PLCB1: variants seen among roughly 807,000 people sequenced by gnomAD.
The protein encoded by PLCB1 is 1-phosphatidylinositol 4,5-bisphosphate phosphodiesterase beta-1.
PLCB1 carries 46 observed loss-of-function variants against 161.8 expected under a neutral mutation model. That is an observed-to-expected ratio of 0.28 (90% CI 0.22 to 0.36). PLCB1 has a LOEUF of 0.36. Among genes scored for constraint, PLCB1 ranks in the 10% least tolerant of loss-of-function variants. PLCB1 has a pLI of 1.00. For synonymous variants in PLCB1, 517 were observed against 503.7 expected (o/e 1.03, Z -0.35); for missense variants, 1,016 against 1,472.5 (o/e 0.69, Z 5.07).
chr20:8,765,881 G>A (rs1370408810), intron 26 of PLCB1, among the ~76,000 whole-genome samples: 7 of 152,078 alleles, frequency 4.6e-5, no homozygotes, highest in African/African-American at 1.7e-4. Flanking sequence ...GGTTTCACCA[G>A]GTTGCCCAGC....
rs1356507856 is a variant in PLCB1 at position 8,315,919 on chromosome 20, T to A, written c.178-55463T>A. On this transcript the variant is annotated intron_variant, in intron 2 of 31. Transcript: ENST00000338037. ...GGATTTCAGAGAAAGCTGACCATAT[T>A]GATTGGAGTTTTCACTCCTGTTTTT... is the stretch of plus-strand genomic sequence containing the variant. 2.0e-5 allele frequency among the ~76,000 whole-genome samples: 3 copies of A among 152,328 alleles called. No individual in the cohort carries two copies. The East Asian group carries it at 5.8e-4, about 29-fold the overall frequency.
At chr20:8,269,690 C>T (rs1300693947) in intron 2 of PLCB1, among the ~76,000 whole-genome samples, 2 of 151,958 alleles carry the variant, frequency 1.3e-5, no homozygotes, top group African/African-American at 4.8e-5. Flanking sequence ...GTATCTCTAT[C>T]CAGATACAAA....
At chr20:8,243,648 A>G (rs903504032) in intron 2 of PLCB1, among the ~76,000 whole-genome samples, 27 of 151,882 alleles carry the variant, frequency 1.8e-4, no homozygotes, top group Admixed American at 1.8e-3. Context: ...TTAATTCCTA[A>G]AAACCACTCT....
At chr20:8,268,528 T>C (rs1434104499) in intron 2 of PLCB1, among the ~76,000 whole-genome samples, 1 of 152,236 alleles carries the variant, frequency 6.6e-6, no homozygotes, top group Non-Finnish European at 1.5e-5. Context: ...TCTAGATCCT[T>C]GAGGAATCAC....
chr20:8,832,497 C>T (rs973102957), intron 31 of PLCB1, among the ~76,000 whole-genome samples: 1 of 152,242 alleles, frequency 6.6e-6, no homozygotes, highest in African/African-American at 2.4e-5. Context: ...GAACTTGGAT[C>T]TCTTCGCATG....
At chr20:8,644,327 C>T (rs1181072533) in intron 4 of PLCB1, among the ~76,000 whole-genome samples, 4 of 149,252 alleles carry the variant, frequency 2.7e-5, no homozygotes, top group Admixed American at 2.0e-4. Flanking sequence ...TCTGCCCGGC[C>T]GCCATCCCAT....
At chr20:8,431,437 C>G (rs536834131) in intron 3 of PLCB1, among the ~76,000 whole-genome samples, 1 of 152,056 alleles carries the variant, frequency 6.6e-6, no homozygotes, top group Non-Finnish European at 1.5e-5. Flanking sequence ...AGAATTCTTT[C>G]GGACAAAATG....
At chr20:8,741,233 T>C (rs914120154) in intron 22 of PLCB1, among the ~76,000 whole-genome samples, 1 of 152,234 alleles carries the variant, frequency 6.6e-6, no homozygotes, top group African/African-American at 2.4e-5. Flanking sequence ...AACAGAGTCC[T>C]AACCCTTGTC....
At chr20:8,238,866 TG>T in intron 2 of PLCB1, among the ~76,000 whole-genome samples, 1 of 150,088 alleles carries the variant, frequency 6.7e-6, no homozygotes, top group South Asian at 2.1e-4. Flanking sequence ...AATGGGTGGC[TG>T]GGGGGAAGAC....
At chr20:8,262,715 A>T (rs1981766922) in intron 2 of PLCB1, among the ~76,000 whole-genome samples, 2 of 152,196 alleles carry the variant, frequency 1.3e-5, no homozygotes, top group Non-Finnish European at 2.9e-5. Flanking sequence ...ACAGACAGTT[A>T]TTTCTCACCA....
At chr20:8,151,850 A>T (rs1311258144) in intron 2 of PLCB1, among the ~76,000 whole-genome samples, 3 of 152,170 alleles carry the variant, frequency 2.0e-5, no homozygotes, top group Non-Finnish European at 4.4e-5. Context: ...AACAGAAGAT[A>T]TTCTGGGATT....
chr20:8,856,234 T>C (rs891703145), intron 31 of PLCB1, among the ~76,000 whole-genome samples: 1 of 152,218 alleles, frequency 6.6e-6, no homozygotes, highest in Admixed American at 6.5e-5. Flanking sequence ...ATCTTAGTTG[T>C]TTTAACTTCA....
intron 3 of PLCB1, among the ~76,000 whole-genome samples, chr20:8,575,148 A>C (rs1489490833): frequency 6.6e-6 from 1 of 152,224 alleles, no homozygotes; most frequent in Non-Finnish European, 1.5e-5. Context: ...GCACAGATGC[A>C]GTAGAGAAAT....
In PLCB1 at chr20:8,565,986, T is replaced by C. The variant is rs150026657; in HGVS notation, c.247-62308T>C. Among the ~76,000 whole-genome samples the C allele has an allele frequency of 5.5e-4, 84 of 152,276 alleles. 2 individuals are homozygous for C. The East Asian group carries it at 0.015, about 28-fold the overall frequency. ...GGATTCCTCTTCTGAATTTATTCCC[T>C]GTGAAGGAAAATTAATCATTATATA... On this transcript the variant is annotated intron_variant, in intron 3 of 31. Coordinates refer to ENST00000338037, the MANE Select transcript of PLCB1 (RefSeq NM_015192.4).
At chr20:8,276,233 T>G (rs1272445588) in intron 2 of PLCB1, among the ~76,000 whole-genome samples, 2 of 152,234 alleles carry the variant, frequency 1.3e-5, no homozygotes, top group African/African-American at 4.8e-5. Flanking sequence ...TAAAATTGTA[T>G]CAGATCAACA....
chr20:8,322,934 A>T (rs1033328825), intron 2 of PLCB1, among the ~76,000 whole-genome samples: 1 of 152,190 alleles, frequency 6.6e-6, no homozygotes, highest in Non-Finnish European at 1.5e-5. Flanking sequence ...GACATAAAAA[A>T]TATACCTCAC....
Position 8,882,103 on chromosome 20 carries a change from A to G in PLCB1, c.*254A>G. ...GATTTTTGTTTTCTTTCCAATAGCA[A>G]ATTCAAAGCAAGCAACTTGCAGGCT... On this transcript the variant is annotated 3_prime_UTR_variant, in exon 32 of 32. Transcript: ENST00000338037. 2.6e-6 allele frequency: 1 copy of G among 385,780 alleles called. No homozygotes were observed. Among genetic ancestry groups the G allele is most frequent in the African/African-American group, 2.0e-5 (1 of 49,636 alleles). The allele number at this position is 385,780 out of a possible 1,614,324, so 23.9% of individuals were successfully genotyped here.
intron 30 of PLCB1, 24 bp from the exon 31 acceptor site, chr20:8,790,151 A>G: frequency 6.5e-7 from 1 of 1,538,318 alleles, no homozygotes; most frequent in African/African-American, 1.4e-5. Flanking sequence ...GATGAAAGTA[A>G]TGTTTCTTGT....
At chr20:8,212,934 C>A (rs914290494) in intron 2 of PLCB1, among the ~76,000 whole-genome samples, 15 of 150,390 alleles carry the variant, frequency 1.0e-4, no homozygotes, top group Non-Finnish European at 2.2e-4. Context: ...TTTTTTTTTT[C>A]TTTGCAAATC....
Sources: allele counts gnomAD v4.1 joint callset (sites outside exome capture counted in the v4.1 genomes callset), GRCh38; gene constraint gnomAD v4.1.1; transcripts MANE v1.5; gene names NCBI Gene and HGNC (gene_info 2026-07-23, HGNC 2026-07-21).